The following PAFAH1B1 variants were observed in gnomAD, a reference collection of about 807,000 sequenced individuals.
The protein encoded by PAFAH1B1 is platelet-activating factor acetylhydrolase IB subunit beta.
A neutral mutation model predicts 57.5 loss-of-function variants in PAFAH1B1; 2 were observed. The ratio of observed to expected loss-of-function variants is 0.03; its 90% CI spans 0.01 to 0.11. PAFAH1B1 has a LOEUF of 0.11. Ranked by LOEUF, PAFAH1B1 falls within the 10% of genes least tolerant of loss-of-function variation. The pLI is 1.00. For synonymous variants in PAFAH1B1, 152 were observed against 169.6 expected, an observed-to-expected ratio of 0.90 and a Z score of 0.81; for missense variants, 257 against 512.0, an observed-to-expected ratio of 0.50 and a Z score of 4.81.
rs575906963 is a variant in PAFAH1B1 at position 2,661,782 on chromosome 17, CTAGAG to C, written c.33-3587_33-3583del. ...TTAGAACTTTTTCATTCTTAGAATGCTAGAGTATACAGTTTGTAAAATACTATTAT... is the reference window on the plus strand; with the variant it reads ...TTAGAACTTTTTCATTCTTAGAATGCTATACAGTTTGTAAAATACTATTAT... On this transcript the variant is annotated intron_variant, in intron 2 of 10. Coordinates refer to ENST00000397195, the MANE Select transcript of PAFAH1B1 (RefSeq NM_000430.4). 2.1e-3 allele frequency among the ~76,000 whole-genome samples: 325 copies of C among 152,156 alleles called. 1 individual carries two copies. Among genetic ancestry groups the C allele is most frequent in the African/African-American group, 7.4e-3 (309 of 41,504 alleles).
In PAFAH1B1 at chr17:2,666,187, C is replaced by A. The variant is rs1306733881; in HGVS notation, c.192+97C>A. ...GCATTAATTAATAATTGCATCTAAT[C>A]TTTAAAAAGCAAATAAAAATACATT... On this transcript the variant is annotated intron_variant, in intron 4 of 10. Transcript: ENST00000397195. 3 of 1,094,434 alleles carry A rather than the reference C, an allele frequency of 2.7e-6. No homozygotes were observed. In the Admixed American group the frequency reaches 8.9e-5, roughly 33 times the overall value. The allele number at this position is 1,094,434 out of a possible 1,614,324, so 67.8% of individuals were successfully genotyped here.
chr17:2,601,181 C>G (rs954042039), intron 1 of PAFAH1B1, among the ~76,000 whole-genome samples: 2 of 152,162 alleles, frequency 1.3e-5, no homozygotes, highest in Non-Finnish European at 2.9e-5. Flanking sequence ...GTCGCCCAGG[C>G]TGGAGTGCAG....
intron 1 of PAFAH1B1, among the ~76,000 whole-genome samples, chr17:2,636,953 T>C (rs2068632394): frequency 6.6e-6 from 1 of 152,090 alleles, no homozygotes; most frequent in Admixed American, 6.6e-5. Context: ...ACTCCTGGGC[T>C]CAAGTGATCC....
chr17:2,615,632 G>A lies in PAFAH1B1; in HGVS notation c.-191+21626G>A, dbSNP rs751046703. ...ATTTTTCTATTTTTAGTAGAGACAG[G>A]GTTTCACCATCTTGGCCAGGCTGGT... On this transcript the variant is annotated intron_variant, in intron 1 of 10. Coordinates refer to ENST00000397195, the MANE Select transcript of PAFAH1B1 (RefSeq NM_000430.4). Among the ~76,000 whole-genome samples, 110 of 152,130 alleles carry A rather than the reference G, an allele frequency of 7.2e-4. 1 individual carries two copies. Among genetic ancestry groups the A allele is most frequent in the Admixed American group, 1.4e-3 (22 of 15,268 alleles).
intron 1 of PAFAH1B1, 71 bp from the exon 2 acceptor site, chr17:2,638,028 G>T: frequency 2.1e-6 from 1 of 480,116 alleles, no homozygotes; most frequent in Non-Finnish European, 3.7e-6. Context: ...TTGAAAATGA[G>T]TACTGTAACT....
chr17:2,651,546 C>T (rs937307877), intron 2 of PAFAH1B1, among the ~76,000 whole-genome samples: 1 of 150,776 alleles, frequency 6.6e-6, no homozygotes, highest in Non-Finnish European at 1.5e-5. Context: ...GCTTGCACCA[C>T]TGCACTCCAA....
intron 1 of PAFAH1B1, among the ~76,000 whole-genome samples, chr17:2,604,221 A>G (rs1252417295): frequency 6.6e-6 from 1 of 151,382 alleles, no homozygotes; most frequent in East Asian, 2.0e-4. Flanking sequence ...TATTTTTAGT[A>G]GAGATGGAGT....
chr17:2,606,889 A>T (rs960355147), intron 1 of PAFAH1B1, among the ~76,000 whole-genome samples: 1 of 142,790 alleles, frequency 7.0e-6, no homozygotes, highest in African/African-American at 2.7e-5. Context: ...CAGTGGCGCA[A>T]TCTCAGCTCA....
intron 1 of PAFAH1B1, among the ~76,000 whole-genome samples, chr17:2,616,763 T>C (rs560480840): frequency 2.6e-5 from 4 of 152,108 alleles, no homozygotes; most frequent in African/African-American, 7.2e-5. Flanking sequence ...TTGGGACTTA[T>C]GGTGAAAGGC....
intron 6 of PAFAH1B1, among the ~76,000 whole-genome samples, chr17:2,670,993 A>G (rs560669899): frequency 6.6e-6 from 1 of 152,258 alleles, no homozygotes; most frequent in African/African-American, 2.4e-5. Flanking sequence ...CACATAGGAG[A>G]TGCTCATTAC....
At chr17:2,616,154 T>G (rs2068337975) in intron 1 of PAFAH1B1, among the ~76,000 whole-genome samples, 1 of 152,134 alleles carries the variant, frequency 6.6e-6, no homozygotes, top group South Asian at 2.1e-4. Context: ...TTGAAAGCAT[T>G]AATTTGCTTG....
intron 1 of PAFAH1B1, among the ~76,000 whole-genome samples, chr17:2,601,156 C>T (rs893126782): frequency 1.3e-5 from 2 of 152,038 alleles, no homozygotes; most frequent in African/African-American, 4.8e-5. Flanking sequence ...TTTTTCAAGA[C>T]TGAGTCTCGT....
chr17:2,674,752 C>T (rs2069236384), intron 8 of PAFAH1B1, among the ~76,000 whole-genome samples: 1 of 152,158 alleles, frequency 6.6e-6, no homozygotes, highest in Non-Finnish European at 1.5e-5. Flanking sequence ...CATATGGCAG[C>T]CTCTGATGTT....
At chr17:2,621,718 C>CA (rs1567532415) in intron 1 of PAFAH1B1, among the ~76,000 whole-genome samples, 1 of 52 alleles carries the variant, frequency 0.019, no homozygotes, top group East Asian at 0.5. Flanking sequence ...CTCTGCATCC[C>CA]AGGTGTTGCC....
intron 2 of PAFAH1B1, among the ~76,000 whole-genome samples, chr17:2,653,742 A>G (rs1597556703): frequency 6.6e-6 from 1 of 152,326 alleles, no homozygotes; most frequent in East Asian, 1.9e-4. Context: ...GGTTATATTT[A>G]TAAAAACAGC....
At chr17:2,603,438 T>C (rs1264363466) in intron 1 of PAFAH1B1, among the ~76,000 whole-genome samples, 1 of 152,030 alleles carries the variant, frequency 6.6e-6, no homozygotes, top group Non-Finnish European at 1.5e-5. Flanking sequence ...CTGGCTAACA[T>C]GGTGAAACCC....
intron 1 of PAFAH1B1, among the ~76,000 whole-genome samples, chr17:2,622,021 G>A (rs940509696): frequency 6.6e-6 from 1 of 152,134 alleles, no homozygotes; most frequent in African/African-American, 2.4e-5. Flanking sequence ...ATCCGATCTC[G>A]TGAGACTTAT....
intron 2 of PAFAH1B1, among the ~76,000 whole-genome samples, chr17:2,649,757 A>C (rs1446494654): frequency 6.6e-5 from 10 of 152,204 alleles, no homozygotes; most frequent in Non-Finnish European, 1.3e-4. Flanking sequence ...TGATCTTAAA[A>C]ATCATTTGGA....
chr17:2,678,400 CAA>C lies in PAFAH1B1; in HGVS notation c.1003-1746_1003-1745del, dbSNP rs11394999. 9.8e-4 allele frequency among the ~76,000 whole-genome samples: 79 copies of C among 81,010 alleles called. 1 individual carries two copies. The highest frequency in any genetic ancestry group is 3.5e-3 in the South Asian group (8 of 2,302). 53.1% of individuals were successfully genotyped at this position (81,010 alleles called of 152,430 possible). A position where few individuals can be genotyped will look rare whatever the true frequency, so the allele number is the denominator to read the frequency against. On this transcript the variant is annotated intron_variant, in intron 9 of 10. Transcript: ENST00000397195. The stretch of plus-strand genomic sequence containing the variant: ...CTGGGCAACAAGAGTGAAACCATCT[CAA>C]AAAAAAAAAAAAAAAAACCCGGGCA...
Sources: allele counts gnomAD v4.1 joint callset (sites outside exome capture counted in the v4.1 genomes callset), GRCh38; gene constraint gnomAD v4.1.1; transcripts MANE v1.5; gene names NCBI Gene and HGNC (gene_info 2026-07-23, HGNC 2026-07-21).